The following SALL4 variants were observed in gnomAD, a reference collection of about 807,000 sequenced individuals.
The protein encoded by SALL4 is sal-like protein 4.
A neutral mutation model predicts 60.8 loss-of-function variants in SALL4; 4 were observed. The ratio of observed to expected loss-of-function variants is 0.07; its 90% CI spans 0.03 to 0.15. The LOEUF is 0.15. SALL4 is among the 10% of genes least tolerant of loss of function. The pLI, the probability that SALL4 is intolerant of heterozygous loss-of-function variation, is 1.00. For missense variants in SALL4, 1,178 were observed against 1,394.7 expected (o/e 0.84, Z 2.48); for synonymous variants, 580 against 574.9 (o/e 1.01, Z -0.13).
chr20:51,784,295 G>T lies in SALL4; in HGVS notation c.3132C>A (p.Phe1044Leu), dbSNP rs2077974159. 1 of 1,613,998 alleles carries T rather than the reference G, an allele frequency of 6.2e-7. No homozygotes were observed. Among genetic ancestry groups the T allele is most frequent in the Non-Finnish European group, 8.5e-7 (1 of 1,180,042 alleles). Reference sequence around the variant, plus strand: ...TGACCGCAATCTTGTTTTCTTCCAGGAAGTGAGGAAACTGGTGTTTGGGAA... The same window carrying T: ...TGACCGCAATCTTGTTTTCTTCCAGTAAGTGAGGAAACTGGTGTTTGGGAA... The part of the protein sequence containing the change: ...DGVPKHQFPH[F>L]LEENKIAVS Residue 1044 changes from phenylalanine (F) to leucine (L), a missense_variant, in exon 4 of 4, where the codon TTC becomes TTA. Transcript: ENST00000217086.
chr20:51,796,196 C>CAAAAAAAAAAAAAAAA (rs11474910), intron 1 of SALL4, among the ~76,000 whole-genome samples: 1 of 90,582 alleles, frequency 1.1e-5, no homozygotes, highest in African/African-American at 4.4e-5. Flanking sequence ...AAGACTGTCT[C>CAAAAAAAAAAAAAAAA]AAAAAAAAAA....
chr20:51,798,605 C>T (rs1312358042), intron 1 of SALL4, among the ~76,000 whole-genome samples: 4 of 152,010 alleles, frequency 2.6e-5, no homozygotes, highest in Admixed American at 6.6e-5. Flanking sequence ...GAACTCTTTT[C>T]GCCATCAATT....
intron 3 of SALL4, among the ~76,000 whole-genome samples, chr20:51,785,749 TTCTCCTGCCTCAG>T (rs1194552661): frequency 9.2e-5 from 14 of 151,886 alleles, no homozygotes; most frequent in Admixed American, 7.2e-4. Context: ...GTTCAAGCGA[TTCTCCTGCCTCAG>T]CCTCCTGAAT....
chr20:51,784,950 T>C (rs1270819028), intron 3 of SALL4, among the ~76,000 whole-genome samples: 1 of 152,200 alleles, frequency 6.6e-6, no homozygotes, highest in African/African-American at 2.4e-5. Flanking sequence ...TGCATTAGCT[T>C]ACAGTTAGGC....
rs1568866688 is a variant in SALL4 at position 51,792,712 on chromosome 20, C to CAAAAAAAAAAA, written c.131-361_131-360insTTTTTTTTTTT. On this transcript the variant is annotated intron_variant, in intron 1 of 3. Coordinates refer to ENST00000217086, the MANE Select transcript of SALL4 (RefSeq NM_020436.5). ...TCAAAAAAAAAAAAAAAAAAAAAGG[C>CAAAAAAAAAAA]AAAAAGGCTGATCCCTGAATTTCTT... 1.3e-5 allele frequency: 7 copies of CAAAAAAAAAAA among 519,504 alleles called. No homozygotes were observed. In the African/African-American group the frequency reaches 1.5e-4, roughly 11 times the overall value. 32.2% of individuals were successfully genotyped at this position (519,504 alleles called of 1,614,324 possible). A position where few individuals can be genotyped will look rare whatever the true frequency, so the allele number is the denominator to read the frequency against.
chr20:51,800,261 C>T (rs1048021409), intron 1 of SALL4, among the ~76,000 whole-genome samples: 1 of 152,176 alleles, frequency 6.6e-6, no homozygotes, highest in Non-Finnish European at 1.5e-5. Flanking sequence ...GTCCCACCCA[C>T]CAGGTGTGAG....
Position 51,791,647 on chromosome 20 carries a change from G to A in SALL4, c.836C>T (p.Ala279Val). The change falls in exon 2 of 4, where the codon GCT (alanine) becomes GTT (valine). Residue 279 changes from alanine to valine, a missense_variant. By Grantham distance (64) the Ala-to-Val change is moderately conservative. Around this residue, in one of 5 missense-constraint regions of SALL4, gnomAD observed 853 missense variants for 1,036.8 expected, o/e 0.82. Transcript: ENST00000217086. This position sits in a 1 kb window ranked among gnomAD's most constrained non-coding sequence, Gnocchi z 4.6. ...ATCCAGAGACAGACCTTGGCTTCCA[G>A]CTTTCTGGCTGAGCAAAGCCACAGC... ...SAAVALLSQK[A>V]GSQGLSLDAL... The A allele has an allele frequency of 2.5e-6, 4 of 1,614,058 alleles. No homozygotes were observed. The highest frequency in any genetic ancestry group is 3.4e-6 in the Non-Finnish European group (4 of 1,180,042).
At position 51,791,376 on chromosome 20, in the gene SALL4, C is replaced by T. The variant is rs961240844; in HGVS notation, c.1107G>A (p.Val369=). ...GKGKPPNISA[V]DVKPKDEAAL... The stretch of plus-strand genomic sequence containing the variant: ...CCGCCTCGTCTTTGGGTTTGACATC[C>T]ACCGCGGAGATGTTCGGTGGCTTCC... Residue 369 remains valine (V), a synonymous_variant, in exon 2 of 4, where the codon GTG becomes GTA. Coordinates refer to ENST00000217086, the MANE Select transcript of SALL4 (RefSeq NM_020436.5). The surrounding 1 kb of genome is among the most constrained non-coding windows in gnomAD (Gnocchi z 4.6). 1 of 1,614,230 alleles carries T rather than the reference C, an allele frequency of 6.2e-7. No homozygotes were observed. The highest frequency in any genetic ancestry group is 8.5e-7 in the Non-Finnish European group (1 of 1,180,048).
rs760644360 is a variant in SALL4, at chr20:51,802,416, G to A, written c.-8C>T. 1.9e-6 allele frequency: 3 copies of A among 1,612,572 alleles called. No individual in the cohort carries two copies. Among genetic ancestry groups the A allele is most frequent in the Non-Finnish European group, 2.5e-6 (3 of 1,179,900 alleles). The stretch of plus-strand genomic sequence containing the variant: ...CTGCTTGCGCCTCGACATGGTGCGA[G>A]CATCGGGGCGCCGGGAGAGCCGCAG... On this transcript the variant is annotated 5_prime_UTR_variant, in exon 1 of 4. Coordinates refer to ENST00000217086, the MANE Select transcript of SALL4 (RefSeq NM_020436.5).
At position 51,783,184 on chromosome 20, in the gene SALL4, C is replaced by T. The variant is rs893866883; in HGVS notation, c.*1081G>A. ...CTGGCAAACTAAGTCACCTGAGATT[C>T]CCCGCTCAGGTGCCCACCTCTTCTG... On this transcript the variant is annotated 3_prime_UTR_variant, in exon 4 of 4. Coordinates refer to ENST00000217086, the MANE Select transcript of SALL4 (RefSeq NM_020436.5). 6.6e-6 allele frequency: 1 copy of T among 152,092 alleles called. No homozygotes were observed. The highest frequency in any genetic ancestry group is 1.5e-5 in the Non-Finnish European group (1 of 68,014). 9.4% of individuals were successfully genotyped at this position (152,092 alleles called of 1,614,324 possible).
chr20:51,786,142 G>C (rs1211234069), intron 3 of SALL4, among the ~76,000 whole-genome samples: 2 of 143,596 alleles, frequency 1.4e-5, no homozygotes, highest in Non-Finnish European at 3.0e-5. Context: ...GCTGGAGTAC[G>C]GTGGAATGAT....
chr20:51,793,355 G>A (rs2078061122), intron 1 of SALL4, among the ~76,000 whole-genome samples: 2 of 152,090 alleles, frequency 1.3e-5, no homozygotes, highest in South Asian at 4.2e-4. Context: ...GAGCATGGCA[G>A]CGTCCATGTA....
At chr20:51,786,712 A>T (rs1442452316) in intron 3 of SALL4, among the ~76,000 whole-genome samples, 1 of 152,238 alleles carries the variant, frequency 6.6e-6, no homozygotes, top group East Asian at 1.9e-4. Context: ...CAATGGGGAA[A>T]ACTGGGCAAA....
chr20:51,797,608 G>T (rs1432057567), intron 1 of SALL4: 2 of 151,590 alleles, frequency 1.3e-5, no homozygotes, highest in Non-Finnish European at 2.9e-5. Flanking sequence ...ATTCTGTTAT[G>T]AACAATTGCT....
At position 51,790,596 on chromosome 20, in the gene SALL4, G is replaced by A. The variant is rs1601169010; in HGVS notation, c.1887C>T (p.Pro629=). ...CATTAGTGAACTTCTTCTGGCAGAT[G>A]GGGCACGAATGCTGCGTCTTAATGG... ...NTSIKTQHSC[P]ICQKKFTNAV... is the part of the protein sequence containing the mutation. Residue 629 remains proline, a synonymous_variant, in exon 2 of 4, where the codon CCC becomes CCT. Coordinates refer to ENST00000217086, the MANE Select transcript of SALL4 (RefSeq NM_020436.5). This position sits in a 1 kb window ranked among gnomAD's most constrained non-coding sequence, Gnocchi z 5.5. 6 of 1,614,152 alleles carry A rather than the reference G, an allele frequency of 3.7e-6. No individual in the cohort carries two copies. Among genetic ancestry groups the A allele is most frequent in the Middle Eastern group, 1.6e-4 (1 of 6,062 alleles).
intron 3 of SALL4, among the ~76,000 whole-genome samples, chr20:51,787,331 G>C (rs978065301): frequency 3.3e-5 from 5 of 152,062 alleles, no homozygotes; most frequent in African/African-American, 1.2e-4. Context: ...GGCTGAGGCA[G>C]GAGAATTGCT....
At position 51,788,171 on chromosome 20, in the gene SALL4, T is replaced by G. The variant is rs2122958144; in HGVS notation, c.2742+690A>C. Reference sequence around the variant, plus strand: ...TAAAATGTAAACATTTTAATTTTTTTAAGAGACAAGGTCTCACTTTGTTTT... The same window carrying G: ...TAAAATGTAAACATTTTAATTTTTTGAAGAGACAAGGTCTCACTTTGTTTT... On this transcript the variant is annotated intron_variant, in intron 3 of 3. Transcript: ENST00000217086. This position sits in a 1 kb window ranked among gnomAD's most constrained non-coding sequence, Gnocchi z 4.1. Among the ~76,000 whole-genome samples the G allele has an allele frequency of 6.6e-6, 1 of 152,024 alleles. No individual in the cohort carries two copies. Among genetic ancestry groups the G allele is most frequent in the African/African-American group, 2.4e-5 (1 of 41,388 alleles).
Position 51,791,417 on chromosome 20 carries a change from A to C in SALL4, c.1066T>G (p.Ser356Ala). 1 of 1,614,014 alleles carries C rather than the reference A, an allele frequency of 6.2e-7. No homozygotes were observed. Among genetic ancestry groups the C allele is most frequent in the Non-Finnish European group, 8.5e-7 (1 of 1,179,998 alleles). ...GGTGGCTTCCCCTTCCCTTTCTTGG[A>C]TGTGTCTAGCGCCACAGTGGAGAAA... The part of the protein sequence containing the change: ...SPFSTVALDT[S>A]KKGKGKPPNI... Residue 356 changes from serine to alanine, a missense_variant, in exon 2 of 4, where the codon TCC becomes GCC. By Grantham distance (99) the Ser-to-Ala change is moderately conservative. Transcript: ENST00000217086. The surrounding 1 kb of genome is among the most constrained non-coding windows in gnomAD (Gnocchi z 4.6).
Position 51,784,028 on chromosome 20 carries a change from AG to A in SALL4, c.*236del. The stretch of plus-strand genomic sequence containing the variant: ...GAGCGAGACTCCATCTCAAAAAAAA[AG>A]AGTCTGTATTTGTTTTGGTATGCAT... On this transcript the variant is annotated 3_prime_UTR_variant, in exon 4 of 4. Transcript: ENST00000217086. 1.8e-6 allele frequency: 1 copy of A among 549,254 alleles called. No homozygotes were observed. The allele number at this position is 549,254 out of a possible 1,614,324, so 34.0% of individuals were successfully genotyped here. A position where few individuals can be genotyped will look rare whatever the true frequency, so the allele number is the denominator to read the frequency against.
Sources: allele counts gnomAD v4.1 joint callset (sites outside exome capture counted in the v4.1 genomes callset), GRCh38; gene constraint gnomAD v4.1.1; regional missense constraint gnomAD v4.1.1; non-coding constraint Gnocchi (gnomAD v3.1); transcripts MANE v1.5; gene names NCBI Gene and HGNC (gene_info 2026-07-23, HGNC 2026-07-21).